Variants in KCNIP4 observed in about 807,000 individuals in gnomAD.
KCNIP4 encodes the protein Kv channel-interacting protein 4.
Under a neutral mutation model 34.0 loss-of-function variants are expected in KCNIP4, and 12 were observed. The observed-to-expected ratio is 0.35, with a 90% CI of 0.23 to 0.57. The LOEUF (loss-of-function observed/expected upper bound fraction) is 0.57. KCNIP4 is among the 20% of genes least tolerant of loss of function. KCNIP4 has a pLI of 0.83. For synonymous variants in KCNIP4, 124 were observed against 102.2 expected, an observed-to-expected ratio of 1.21 and a Z score of -1.29; for missense variants, 238 against 311.7, an observed-to-expected ratio of 0.76 and a Z score of 1.78.
At chr4:21,405,232 C>A (rs1324987657) in intron 1 of KCNIP4, among the ~76,000 whole-genome samples, 3 of 152,142 alleles carry the variant, frequency 2.0e-5, no homozygotes, top group Non-Finnish European at 4.4e-5. Flanking sequence ...TCTAAATCCC[C>A]ACTTTCTCAT....
chr4:21,038,002 G>C (rs1448231490), intron 1 of KCNIP4, among the ~76,000 whole-genome samples: 1 of 151,858 alleles, frequency 6.6e-6, no homozygotes, highest in Non-Finnish European at 1.5e-5. Context: ...TTTTTCCTTT[G>C]AGACGGAGTC....
intron 1 of KCNIP4, among the ~76,000 whole-genome samples, chr4:21,716,912 C>G (rs184679868): frequency 6.6e-6 from 1 of 152,134 alleles, no homozygotes; most frequent in Non-Finnish European, 1.5e-5. Flanking sequence ...TCTCTCCATA[C>G]CCAGGTAGAC....
At chr4:21,690,557 A>T (rs1229498722) in intron 1 of KCNIP4, among the ~76,000 whole-genome samples, 1 of 152,058 alleles carries the variant, frequency 6.6e-6, no homozygotes, top group Non-Finnish European at 1.5e-5. Flanking sequence ...CTCGCCTTTC[A>T]CTTTCCACCA....
chr4:20,797,309 A>G (rs1713602742), intron 3 of KCNIP4, among the ~76,000 whole-genome samples: 1 of 152,200 alleles, frequency 6.6e-6, no homozygotes, highest in African/African-American at 2.4e-5. Flanking sequence ...GTCTTTCAAC[A>G]TTATAATCAA....
intron 1 of KCNIP4, among the ~76,000 whole-genome samples, chr4:21,374,244 G>A (rs1720759436): frequency 6.8e-6 from 1 of 147,056 alleles, no homozygotes; most frequent in Non-Finnish European, 1.5e-5. Flanking sequence ...TAATTTACAA[G>A]GAAAAAGAGG....
chr4:21,549,703 G>T (rs1738410528), intron 1 of KCNIP4, among the ~76,000 whole-genome samples: 1 of 151,970 alleles, frequency 6.6e-6, no homozygotes, highest in Admixed American at 6.6e-5. Flanking sequence ...TACTAATGAT[G>T]AGACTGAGTC....
At chr4:21,297,745 T>C (rs999421390) in intron 1 of KCNIP4, among the ~76,000 whole-genome samples, 2 of 150,338 alleles carry the variant, frequency 1.3e-5, no homozygotes, top group Non-Finnish European at 3.0e-5. Flanking sequence ...TTTTCCCTCT[T>C]CCTCATTTTT....
chr4:20,989,474 G>A (rs1197694587), intron 1 of KCNIP4, among the ~76,000 whole-genome samples: 2 of 152,082 alleles, frequency 1.3e-5, no homozygotes, highest in Non-Finnish European at 2.9e-5. Context: ...AAATCAGGAT[G>A]ATACACTGAA....
chr4:20,845,704 C>T (rs1049506192), intron 3 of KCNIP4, among the ~76,000 whole-genome samples: 1 of 152,182 alleles, frequency 6.6e-6, no homozygotes, highest in Non-Finnish European at 1.5e-5. Context: ...AAGAATCCAG[C>T]TGCCATATTA....
chr4:21,132,030 G>C (rs1013455970), intron 1 of KCNIP4, among the ~76,000 whole-genome samples: 13 of 152,178 alleles, frequency 8.5e-5, no homozygotes, highest in Non-Finnish European at 4.4e-5. Flanking sequence ...GATGGAGATT[G>C]TGTGTGAAAG....
intron 1 of KCNIP4, among the ~76,000 whole-genome samples, chr4:21,298,785 C>T (rs1324052705): frequency 1.3e-5 from 2 of 152,100 alleles, no homozygotes. Flanking sequence ...AGTACACATG[C>T]TTATGCTTGT....
intron 1 of KCNIP4, among the ~76,000 whole-genome samples, chr4:21,197,571 C>G (rs1756145541): frequency 6.6e-6 from 1 of 151,938 alleles, no homozygotes; most frequent in South Asian, 2.1e-4. Context: ...GATTCTAGTT[C>G]TGTTACTAGT....
At chr4:21,126,563 C>T (rs1193520074) in intron 1 of KCNIP4, among the ~76,000 whole-genome samples, 2 of 134,480 alleles carry the variant, frequency 1.5e-5, no homozygotes, top group African/African-American at 5.9e-5. Context: ...CAAAATTCAA[C>T]TTTTTGACAA....
At chr4:21,035,700 T>C (rs1376709337) in intron 1 of KCNIP4, among the ~76,000 whole-genome samples, 1 of 152,216 alleles carries the variant, frequency 6.6e-6, no homozygotes, top group Non-Finnish European at 1.5e-5. Flanking sequence ...TGTACGATTG[T>C]AGTGGGTACT....
chr4:20,747,233 C>T (rs1212260649), intron 5 of KCNIP4, among the ~76,000 whole-genome samples: 1 of 152,006 alleles, frequency 6.6e-6, no homozygotes, highest in Non-Finnish European at 1.5e-5. Context: ...ATATAATGTG[C>T]CCTAGGAAAT....
intron 1 of KCNIP4, among the ~76,000 whole-genome samples, chr4:20,909,159 G>T (rs1432908077): frequency 6.6e-6 from 1 of 152,184 alleles, no homozygotes; most frequent in Non-Finnish European, 1.5e-5. Context: ...TTTGCTTATT[G>T]AATAGACTAG....
chr4:21,611,281 T>C (rs113082782), intron 1 of KCNIP4, among the ~76,000 whole-genome samples: 27,405 of 152,152 alleles, frequency 0.18, 2,608 homozygotes, highest in South Asian at 0.26. Context: ...ATAAACATTA[T>C]GTGTGCATGT....
chr4:21,652,609 C>A (rs144761687), intron 1 of KCNIP4, among the ~76,000 whole-genome samples: 46 of 152,270 alleles, frequency 3.0e-4, no homozygotes, highest in African/African-American at 1.0e-3. Flanking sequence ...CCTTGAGCCA[C>A]ATGCTACAAG....
At chr4:21,773,277 G>A (rs1267138902) in intron 1 of KCNIP4, among the ~76,000 whole-genome samples, 1 of 152,188 alleles carries the variant, frequency 6.6e-6, no homozygotes, top group Non-Finnish European at 1.5e-5. Context: ...TGTGGTCTGA[G>A]AGACTGTTTG....
Sources: gnomAD v4.1 joint callset for allele counts (sites outside exome capture counted in the v4.1 genomes callset) on GRCh38, gnomAD v4.1.1 for gene constraint, MANE v1.5 for transcripts, NCBI Gene and HGNC (gene_info 2026-07-23, HGNC 2026-07-21) for gene names.